The following SNAI3 variants were observed in gnomAD, a reference collection of about 807,000 sequenced individuals.
SNAI3 encodes zinc finger protein SNAI3.
Under a neutral mutation model 16.4 loss-of-function variants are expected in SNAI3, and 21 were observed. The observed-to-expected ratio is 1.28, with a 90% CI of 0.91 to 1.85. SNAI3 has a LOEUF of 1.85. Ranked by LOEUF, SNAI3 falls within the 40% of genes most tolerant of loss-of-function variation. The pLI is 0.00. For synonymous variants in SNAI3, 202 were observed against 166.6 expected, an observed-to-expected ratio of 1.21 and a Z score of -1.64; for missense variants, 457 against 372.8, an observed-to-expected ratio of 1.23 and a Z score of -1.86.
rs775190054 is a variant in SNAI3 at position 88,678,598 on chromosome 16, G to C, written c.729C>G (p.Ser243Arg). 9.2e-7 allele frequency: 1 copy of C among 1,089,532 alleles called. No individual in the cohort carries two copies. The highest frequency in any genetic ancestry group is 1.2e-5 in the South Asian group (1 of 80,964). The allele number at this position is 1,089,532 out of a possible 1,614,324, so 67.5% of individuals were successfully genotyped here. A position where few individuals can be genotyped will look rare whatever the true frequency, so the allele number is the denominator to read the frequency against. The change falls in exon 3 of 3, where the codon AGC becomes AGG. Residue 243 changes from serine to arginine, a missense_variant. Transcript: ENST00000332281. ...GGTTGGAGCGGTCGGCAAAGGCCCT[G>C]CTGCAGTGCGAGCAGGCATAGGGCT... The part of the protein sequence containing the change: ...GEKPYACSHC[S>R]RAFADRSNLR...
chr16:88,684,375 C>G (rs951024203), intron 1 of SNAI3, among the ~76,000 whole-genome samples: 1 of 152,252 alleles, frequency 6.6e-6, no homozygotes, highest in South Asian at 2.1e-4. Flanking sequence ...AAGAGACAGT[C>G]TCGCCCCGTC....
At position 88,678,341 on chromosome 16, in the gene SNAI3, T is replaced by C; in HGVS notation, c.*107A>G. The C allele has an allele frequency of 1.6e-6, 1 of 608,828 alleles. No individual in the cohort carries two copies. Among genetic ancestry groups the C allele is most frequent in the East Asian group, 2.8e-5 (1 of 36,294 alleles). 37.7% of individuals were successfully genotyped at this position (608,828 alleles called of 1,614,324 possible). A position where few individuals can be genotyped will look rare whatever the true frequency, so the allele number is the denominator to read the frequency against. On this transcript the variant is annotated 3_prime_UTR_variant, in exon 3 of 3. Transcript: ENST00000332281. ...GCAGATGTGGAGGACGCACCAAGTG[T>C]GAGGCCAGGCCCCGCCCTCCCAGAC...
rs887694056 is a variant in SNAI3 at position 88,681,953 on chromosome 16, G to A, written c.77-239C>T. 1.3e-5 allele frequency among the ~76,000 whole-genome samples: 2 copies of A among 152,128 alleles called. No individual in the cohort carries two copies. Among genetic ancestry groups the A allele is most frequent in the Admixed American group, 6.5e-5 (1 of 15,272 alleles). ...AAGAAGGCCCCGCGGTCTAGAGAGC[G>A]AATCTCACTTCCTCTTTAAACACAA... is the stretch of plus-strand genomic sequence containing the variant. On this transcript the variant is annotated intron_variant, in intron 1 of 2. Coordinates refer to ENST00000332281, the MANE Select transcript of SNAI3 (RefSeq NM_178310.4). The surrounding 1 kb of genome is among the most constrained non-coding windows in gnomAD (Gnocchi z 5.4).
intron 2 of SNAI3, among the ~76,000 whole-genome samples, chr16:88,679,773 A>G (rs1909099709): frequency 7.0e-6 from 1 of 142,566 alleles, no homozygotes; most frequent in African/African-American, 2.6e-5. Context: ...AAAAAAAAAA[A>G]AAAAAAAAAG....
intron 1 of SNAI3, among the ~76,000 whole-genome samples, chr16:88,682,491 T>C (rs940421533): frequency 6.6e-6 from 1 of 152,244 alleles, no homozygotes; most frequent in Admixed American, 6.5e-5. Flanking sequence ...AGTCTGCAGG[T>C]AAGAGTTAAA....
At chr16:88,682,336 A>G (rs1259102064) in intron 1 of SNAI3, among the ~76,000 whole-genome samples, 3 of 152,232 alleles carry the variant, frequency 2.0e-5, no homozygotes, top group Non-Finnish European at 2.9e-5. Context: ...GCTGAGCCAC[A>G]TGGCTGGGGT....
chr16:88,678,331 G>A lies in SNAI3; in HGVS notation c.*117C>T, dbSNP rs368589540. 9 of 601,370 alleles carry A rather than the reference G, an allele frequency of 1.5e-5. No individual in the cohort carries two copies. Among genetic ancestry groups the A allele is most frequent in the African/African-American group, 7.4e-5 (4 of 54,002 alleles). 37.3% of individuals were successfully genotyped at this position (601,370 alleles called of 1,614,324 possible). A position where few individuals can be genotyped will look rare whatever the true frequency, so the allele number is the denominator to read the frequency against. ...CTGATTGGACGCAGATGTGGAGGAC[G>A]CACCAAGTGTGAGGCCAGGCCCCGC... On this transcript the variant is annotated 3_prime_UTR_variant, in exon 3 of 3. Transcript: ENST00000332281.
In SNAI3 at chr16:88,678,344, G is replaced by A. The variant is rs1597391684; in HGVS notation, c.*104C>T. On this transcript the variant is annotated 3_prime_UTR_variant, in exon 3 of 3. Coordinates refer to ENST00000332281, the MANE Select transcript of SNAI3 (RefSeq NM_178310.4). ...GATGTGGAGGACGCACCAAGTGTGA[G>A]GCCAGGCCCCGCCCTCCCAGACTCC... is the stretch of plus-strand genomic sequence containing the variant. 2 of 610,994 alleles carry A rather than the reference G, an allele frequency of 3.3e-6. No homozygotes were observed. The highest frequency in any genetic ancestry group is 3.8e-5 in the South Asian group (2 of 52,752). The allele number at this position is 610,994 out of a possible 1,614,324, so 37.8% of individuals were successfully genotyped here.
Position 88,686,501 on chromosome 16 carries a change from G to T in SNAI3, c.-95C>A. 6.6e-7 allele frequency: 1 copy of T among 1,520,492 alleles called. No homozygotes were observed. Among genetic ancestry groups the T allele is most frequent in the African/African-American group, 1.4e-5 (1 of 71,434 alleles). 94.2% of individuals were successfully genotyped at this position (1,520,492 alleles called of 1,614,324 possible). The stretch of plus-strand genomic sequence containing the variant: ...GTCCGCCGGCGCTTGAAGGGGTCAG[G>T]CTCATTAGCATAGCGCGCCGCCTCC... On this transcript the variant is annotated 5_prime_UTR_variant, in exon 1 of 3. Transcript: ENST00000332281.
chr16:88,686,377 G>T lies in SNAI3; in HGVS notation c.30C>A (p.His10Gln). 6.2e-7 allele frequency: 1 copy of T among 1,612,068 alleles called. No individual in the cohort carries two copies. The change falls in exon 1 of 3, where the codon CAC becomes CAA. Residue 10 changes from histidine (H) to glutamine (Q), a missense_variant. His to Gln is a conservative substitution (Grantham distance 24, BLOSUM62 0). Transcript: ENST00000332281. ...GGTAGTTGGGGACCCTGTGGCTGGA[G>T]TGCGTTTTCACCAGGAAGGAGCGCG... MPRSFLVKT[H>Q]SSHRVPNYRR...
Position 88,681,414 on chromosome 16 carries a change from G to T in SNAI3, c.377C>A (p.Pro126Gln). The part of the protein sequence containing the change: ...PLLVLPTRWS[P>Q]TLGPDRHGAP... ...CCCGTGCCGGTCTGGGCCCAAGGTC[G>T]GGGACCACCGTGTGGGCAGCACCAG... The change falls in exon 2 of 3, where the codon CCG becomes CAG. Residue 126 changes from proline (P) to glutamine (Q), a missense_variant. Coordinates refer to ENST00000332281, the MANE Select transcript of SNAI3 (RefSeq NM_178310.4). This position sits in a 1 kb window ranked among gnomAD's most constrained non-coding sequence, Gnocchi z 5.4. 1.2e-6 allele frequency: 2 copies of T among 1,610,336 alleles called. No individual in the cohort carries two copies. Among genetic ancestry groups the T allele is most frequent in the Non-Finnish European group, 1.7e-6 (2 of 1,177,486 alleles).
intron 1 of SNAI3, among the ~76,000 whole-genome samples, chr16:88,684,492 C>CT (rs1555546141): frequency 1.3e-5 from 2 of 152,078 alleles, no homozygotes; most frequent in Non-Finnish European, 2.9e-5. Context: ...GGAGAAGACA[C>CT]TGTTTTGTTT....
In SNAI3 at chr16:88,678,582, G is replaced by C. The variant is rs747160473; in HGVS notation, c.745C>G (p.Arg249Gly). 7 of 956,774 alleles carry C rather than the reference G, an allele frequency of 7.3e-6. No individual in the cohort carries two copies. The highest frequency in any genetic ancestry group is 1.3e-5 in the South Asian group (1 of 78,248). The allele number at this position is 956,774 out of a possible 1,614,324, so 59.3% of individuals were successfully genotyped here. A position where few individuals can be genotyped will look rare whatever the true frequency, so the allele number is the denominator to read the frequency against. ...TGCAGATGGGCCCGAAGGTTGGAGC[G>C]GTCGGCAAAGGCCCTGCTGCAGTGC... is the stretch of plus-strand genomic sequence containing the variant. ...CSHCSRAFADRSNLRAHLQTH... is the reference protein window; with the variant it reads ...CSHCSRAFADGSNLRAHLQTH... Residue 249 changes from arginine (R) to glycine (G), a missense_variant, in exon 3 of 3, where the codon CGC becomes GGC. Coordinates refer to ENST00000332281, the MANE Select transcript of SNAI3 (RefSeq NM_178310.4).
intron 2 of SNAI3, chr16:88,679,014 A>G: frequency 5.1e-6 from 5 of 985,446 alleles, no homozygotes; most frequent in Non-Finnish European, 6.0e-6. Context: ...GGCAGAATTT[A>G]GGAACCACCT....
Position 88,678,839 on chromosome 16 carries a change from C to T in SNAI3, c.698-210G>A, listed in dbSNP as rs1017736508. On this transcript the variant is annotated intron_variant, in intron 2 of 2. Transcript: ENST00000332281. ...CAGGCAGCCACAGGTGCTAGATCTC[C>T]TAGTGTTGCTGCAGTAGCCCTCCCG... The T allele has an allele frequency of 8.1e-6, 8 of 985,302 alleles. No homozygotes were observed. The African/African-American group carries it at 1.2e-4, about 15-fold the overall frequency. The allele number at this position is 985,302 out of a possible 1,614,324, so 61.0% of individuals were successfully genotyped here.
At chr16:88,685,067 C>T (rs1909311673) in intron 1 of SNAI3, 1 of 152,272 alleles carries the variant, frequency 6.6e-6, no homozygotes, top group Admixed American at 6.5e-5. Flanking sequence ...CACAGCTACC[C>T]AGATTTGCAC....
At chr16:88,680,318 G>A (rs1251497486) in intron 2 of SNAI3, among the ~76,000 whole-genome samples, 31 of 109,790 alleles carry the variant, frequency 2.8e-4, no homozygotes, top group African/African-American at 9.7e-4. Context: ...ACAGAGTCTC[G>A]CTCTGTCACC....
At chr16:88,682,093 T>C (rs551856634) in intron 1 of SNAI3, among the ~76,000 whole-genome samples, 15 of 152,146 alleles carry the variant, frequency 9.9e-5, no homozygotes, top group Non-Finnish European at 2.2e-4. Context: ...CACCCACCTC[T>C]GGAGGGGTCC....
intron 2 of SNAI3, among the ~76,000 whole-genome samples, chr16:88,679,698 C>T (rs1909094795): frequency 7.3e-6 from 1 of 136,456 alleles, no homozygotes; most frequent in Non-Finnish European, 1.5e-5. Context: ...GGAGGCGGGG[C>T]TTGCAGTGAG....
Sources: allele counts gnomAD v4.1 joint callset (sites outside exome capture counted in the v4.1 genomes callset), GRCh38; gene constraint gnomAD v4.1.1; non-coding constraint Gnocchi (gnomAD v3.1); transcripts MANE v1.5; gene names NCBI Gene and HGNC (gene_info 2026-07-23, HGNC 2026-07-21).